Variants in TAFA4 observed in about 807,000 individuals in gnomAD.
The protein encoded by TAFA4 is TAFA chemokine like family member 4.
Under a neutral mutation model 21.1 loss-of-function variants are expected in TAFA4, and 20 were observed. The observed-to-expected ratio is 0.95, with a 90% CI of 0.67 to 1.38. The LOEUF (loss-of-function observed/expected upper bound fraction) is 1.38. Ranked by LOEUF, TAFA4 falls within the 40% of genes most tolerant of loss-of-function variation. TAFA4 has a pLI of 0.00. For synonymous variants in TAFA4, 71 were observed against 67.4 expected, an observed-to-expected ratio of 1.05 and a Z score of -0.26; for missense variants, 211 against 180.9, an observed-to-expected ratio of 1.17 and a Z score of -0.95.
intron 3 of TAFA4, among the ~76,000 whole-genome samples, chr3:68,871,042 A>G (rs2089476092): frequency 6.6e-6 from 1 of 152,148 alleles, no homozygotes; most frequent in Admixed American, 6.6e-5. Context: ...CGATCATTAA[A>G]AAGTCAGGAA....
chr3:68,812,774 A>C (rs925334200), intron 3 of TAFA4, among the ~76,000 whole-genome samples: 2 of 152,174 alleles, frequency 1.3e-5, no homozygotes, highest in African/African-American at 2.4e-5. Context: ...AACAAGACCG[A>C]AAGTTAAGAA....
At chr3:68,809,714 T>A (rs114383957) in intron 3 of TAFA4, among the ~76,000 whole-genome samples, 2,141 of 152,244 alleles carry the variant, frequency 0.014, 43 homozygotes, top group African/African-American at 0.049. Context: ...TTAACTGCAT[T>A]TTGAGTTGAT....
At position 68,807,113 on chromosome 3, in the gene TAFA4, G is replaced by A. The variant is rs540137605; in HGVS notation, c.131-54095C>T. Among the ~76,000 whole-genome samples the A allele has an allele frequency of 3.3e-5, 5 of 152,288 alleles. No homozygotes were observed. The East Asian group carries it at 9.7e-4, about 29-fold the overall frequency. The stretch of plus-strand genomic sequence containing the variant: ...CCTTTTCTCTGCAATCCTGCCCCTT[G>A]TTTGCCTCAGCTGATCGGTCTAGGG... On this transcript the variant is annotated intron_variant, in intron 3 of 5. Transcript: ENST00000295569.
At chr3:68,873,052 C>T (rs2089501665) in intron 3 of TAFA4, among the ~76,000 whole-genome samples, 1 of 152,016 alleles carries the variant, frequency 6.6e-6, no homozygotes, top group African/African-American at 2.4e-5. Flanking sequence ...CATCTCAAGG[C>T]TGATCTTTCA....
intron 2 of TAFA4, among the ~76,000 whole-genome samples, chr3:68,882,175 G>A (rs991649570): frequency 2.6e-5 from 4 of 152,150 alleles, no homozygotes; most frequent in African/African-American, 9.7e-5. Flanking sequence ...AAACGGCTAT[G>A]TTGGGTAATT....
chr3:68,753,715 G>T (rs1451576870), intron 3 of TAFA4, among the ~76,000 whole-genome samples: 1 of 152,166 alleles, frequency 6.6e-6, no homozygotes, highest in Non-Finnish European at 1.5e-5. Context: ...GCCCTGAAAA[G>T]CAGACAGATG....
At position 68,733,064 on chromosome 3, in the gene TAFA4, G is replaced by A. The variant is rs1702177731; in HGVS notation, c.*78C>T. On this transcript the variant is annotated 3_prime_UTR_variant, in exon 6 of 6. Coordinates refer to ENST00000295569, the MANE Select transcript of TAFA4 (RefSeq NM_182522.5). The stretch of plus-strand genomic sequence containing the variant: ...GAAATCCTAGACAATTTTCTGCAAA[G>A]GGGCCATGATGGGAATCCAAGCAAA... 6.3e-7 allele frequency: 1 copy of A among 1,587,606 alleles called. No homozygotes were observed. The highest frequency in any genetic ancestry group is 8.6e-7 in the Non-Finnish European group (1 of 1,162,728).
At chr3:68,736,145 G>GCTTGGCTTC (rs1575588808) in intron 5 of TAFA4, among the ~76,000 whole-genome samples, 1 of 152,070 alleles carries the variant, frequency 6.6e-6, no homozygotes, top group East Asian at 1.9e-4. Flanking sequence ...TACGGCAAAT[G>GCTTGGCTTC]CTTGGCTTCG....
intron 1 of TAFA4, among the ~76,000 whole-genome samples, chr3:68,904,834 G>T (rs867234328): frequency 6.6e-6 from 1 of 152,172 alleles, no homozygotes; most frequent in Non-Finnish European, 1.5e-5. Context: ...GGCTACTTTT[G>T]CTGGTCCACC....
At chr3:68,849,892 G>A (rs1305580883) in intron 3 of TAFA4, among the ~76,000 whole-genome samples, 1 of 152,108 alleles carries the variant, frequency 6.6e-6, no homozygotes, top group Non-Finnish European at 1.5e-5. Context: ...CCATTCTTCA[G>A]TCCTTCGAAG....
intron 1 of TAFA4, among the ~76,000 whole-genome samples, chr3:68,896,891 T>C (rs1348447168): frequency 6.6e-6 from 1 of 152,176 alleles, no homozygotes; most frequent in Non-Finnish European, 1.5e-5. Context: ...CTTCATACAA[T>C]CTGTTGTTTT....
In TAFA4 at chr3:68,733,997, G is replaced by GAAAACTTTTACTGGAAAGGACTCAATAT. The variant is rs1416021290; in HGVS notation, c.412-872_412-845dup. Among the ~76,000 whole-genome samples the GAAAACTTTTACTGGAAAGGACTCAATAT allele has an allele frequency of 7.4e-4, 112 of 152,170 alleles. 1 individual carries two copies. Among genetic ancestry groups the GAAAACTTTTACTGGAAAGGACTCAATAT allele is most frequent in the African/African-American group, 2.6e-3 (107 of 41,536 alleles). On this transcript the variant is annotated intron_variant, in intron 5 of 5. Transcript: ENST00000295569. ...AGCTTACCTTCTAGTGCAGGGACTG[G>GAAAACTTTTACTGGAAAGGACTCAATAT]AAAACTTTTACTGGAAAGGACTCAA...
At chr3:68,872,459 G>A (rs942566684) in intron 3 of TAFA4, among the ~76,000 whole-genome samples, 8 of 151,902 alleles carry the variant, frequency 5.3e-5, no homozygotes, top group Non-Finnish European at 8.8e-5. Flanking sequence ...TGCAGTTAGA[G>A]AGAAGAAATA....
chr3:68,837,405 G>C (rs967628433), intron 3 of TAFA4, among the ~76,000 whole-genome samples: 4 of 152,298 alleles, frequency 2.6e-5, no homozygotes, highest in Admixed American at 2.6e-4. Context: ...GGACGTAAGT[G>C]ATCTTGCTCT....
chr3:68,831,576 T>A (rs747285403), intron 3 of TAFA4, among the ~76,000 whole-genome samples: 4 of 152,176 alleles, frequency 2.6e-5, no homozygotes, highest in Non-Finnish European at 5.9e-5. Context: ...GGGCTTCCCT[T>A]TGTGGGTAAC....
chr3:68,756,574 G>A (rs1415268091), intron 3 of TAFA4, among the ~76,000 whole-genome samples: 3 of 152,114 alleles, frequency 2.0e-5, no homozygotes, highest in Non-Finnish European at 4.4e-5. Context: ...AATGTTTTCT[G>A]GACCATCCCT....
intron 1 of TAFA4, among the ~76,000 whole-genome samples, chr3:68,894,379 C>T (rs542621006): frequency 9.2e-5 from 14 of 152,192 alleles, no homozygotes; most frequent in East Asian, 5.8e-4. Flanking sequence ...AGGCTGGTCT[C>T]GAACTCCTGG....
intron 3 of TAFA4, among the ~76,000 whole-genome samples, chr3:68,876,069 C>T (rs139920994): frequency 1.3e-5 from 2 of 152,252 alleles, no homozygotes; most frequent in East Asian, 1.9e-4. Flanking sequence ...AACATTAAGA[C>T]CTAACTCATT....
At chr3:68,810,996 G>T (rs1172105561) in intron 3 of TAFA4, among the ~76,000 whole-genome samples, 1 of 152,174 alleles carries the variant, frequency 6.6e-6, no homozygotes, top group Non-Finnish European at 1.5e-5. Context: ...CAATCAGGCT[G>T]CAACATTTGC....
Sources: allele counts gnomAD v4.1 joint callset (sites outside exome capture counted in the v4.1 genomes callset), GRCh38; gene constraint gnomAD v4.1.1; transcripts MANE v1.5; gene names NCBI Gene and HGNC (gene_info 2026-07-23, HGNC 2026-07-21).